PAFAH1B2: variants seen among roughly 807,000 people sequenced by gnomAD.
PAFAH1B2 encodes platelet activating factor acetylhydrolase 1b catalytic subunit 2, also known as platelet-activating factor acetylhydrolase IB subunit alpha2.
In PAFAH1B2, 8 loss-of-function variants were observed where a neutral mutation model predicts 28.0. The ratio of observed to expected loss-of-function variants is 0.29; its 90% confidence interval spans 0.17 to 0.52. PAFAH1B2 has a LOEUF of 0.52. PAFAH1B2 is among the 20% of genes least tolerant of loss of function. The probability of loss-of-function intolerance (pLI) is 0.97; values close to 1 mark genes in which losing one functional copy is unlikely to be tolerated. For synonymous variants in PAFAH1B2, 104 were observed against 103.2 expected (o/e 1.01, Z -0.05); for missense variants, 190 against 282.6 (o/e 0.67, Z 2.35).
chr11:117,177,825 G>A (rs1375036880), downstream of PAFAH1B2, among the ~76,000 whole-genome samples: 2 of 152,152 alleles, frequency 1.3e-5, no homozygotes, highest in African/African-American at 2.4e-5. Flanking sequence ...TGTGAGCCAC[G>A]GCACCTGGCT....
At chr11:117,165,775 T>C (rs1011975658) in intron 5 of PAFAH1B2, among the ~76,000 whole-genome samples, 2 of 151,888 alleles carry the variant, frequency 1.3e-5, no homozygotes, top group African/African-American at 4.8e-5. Flanking sequence ...CAGAGGAGGC[T>C]GCATAAAGTT....
downstream of PAFAH1B2, among the ~76,000 whole-genome samples, chr11:117,177,341 C>T (rs1034919222): frequency 6.6e-6 from 1 of 151,978 alleles, no homozygotes; most frequent in Non-Finnish European, 1.5e-5. Context: ...TGGTACTACT[C>T]TATATTTTTA....
downstream of PAFAH1B2, among the ~76,000 whole-genome samples, chr11:117,177,700 A>G (rs1162370574): frequency 2.6e-5 from 4 of 152,036 alleles, no homozygotes; most frequent in Non-Finnish European, 5.9e-5. Context: ...ACGCCCCACT[A>G]ATTTTGTATT....
chr11:117,148,214 G>C (rs1956061787), intron 1 of PAFAH1B2, among the ~76,000 whole-genome samples: 1 of 151,722 alleles, frequency 6.6e-6, no homozygotes, highest in South Asian at 2.1e-4. Flanking sequence ...ACCCAACCTG[G>C]CTAATCTTTT....
chr11:117,145,564 G>T (rs1291451791), intron 1 of PAFAH1B2, among the ~76,000 whole-genome samples: 1 of 152,186 alleles, frequency 6.6e-6, no homozygotes, highest in Non-Finnish European at 1.5e-5. Flanking sequence ...CATAAAGGTT[G>T]CCTCCTTGTG....
At position 117,168,364 on chromosome 11, in the gene PAFAH1B2, T is replaced by C; in HGVS notation, c.*665T>C. The C allele has an allele frequency of 5.7e-6, 6 of 1,059,782 alleles. No homozygotes were observed. Among genetic ancestry groups the C allele is most frequent in the Non-Finnish European group, 6.8e-6 (6 of 876,030 alleles). 65.6% of individuals were successfully genotyped at this position (1,059,782 alleles called of 1,614,324 possible). A position where few individuals can be genotyped will look rare whatever the true frequency, so the allele number is the denominator to read the frequency against. On this transcript the variant is annotated 3_prime_UTR_variant, in exon 6 of 6. Coordinates refer to ENST00000527958, the MANE Select transcript of PAFAH1B2 (RefSeq NM_002572.4). ...ATTTTTTATGCTGCTGAATATCATGTCTATAATAGACCCGTGCATGCAGCC... is the reference window on the plus strand; with the variant it reads ...ATTTTTTATGCTGCTGAATATCATGCCTATAATAGACCCGTGCATGCAGCC...
chr11:117,149,429 C>CTTTTTTTTTTTTTTTTTTTTTTTTTTTTT (rs1565260556), intron 1 of PAFAH1B2, among the ~76,000 whole-genome samples: 1 of 33,518 alleles, frequency 3.0e-5, no homozygotes, highest in Non-Finnish European at 7.6e-5. Flanking sequence ...GTTTTCTAAT[C>CTTTTTTTTTTTTTTTTTTTTTTTTTTTTT]GTTTTTTTTT....
intron 2 of PAFAH1B2, among the ~76,000 whole-genome samples, chr11:117,156,026 A>T (rs1244625850): frequency 2.0e-5 from 3 of 152,116 alleles, no homozygotes; most frequent in Non-Finnish European, 2.9e-5. Flanking sequence ...TTCAACAAAA[A>T]ATAGAAAAAA....
downstream of PAFAH1B2, among the ~76,000 whole-genome samples, chr11:117,173,164 T>G (rs900196585): frequency 2.0e-5 from 3 of 152,244 alleles, no homozygotes; most frequent in African/African-American, 7.2e-5. Flanking sequence ...CCTGGAAAGC[T>G]CTGATGTTGG....
rs1956628817 is a variant in PAFAH1B2 at position 117,170,555 on chromosome 11, T to C, written c.*2856T>C. The stretch of plus-strand genomic sequence containing the variant: ...GGCATCTGCCTAAACCAGAATCTTT[T>C]GTCAGAAACCTTAACCCAACAAAAC... On this transcript the variant is annotated 3_prime_UTR_variant, in exon 6 of 6. Coordinates refer to ENST00000527958, the MANE Select transcript of PAFAH1B2 (RefSeq NM_002572.4). 1.9e-6 allele frequency: 2 copies of C among 1,059,470 alleles called. No individual in the cohort carries two copies. Among genetic ancestry groups the C allele is most frequent in the South Asian group, 4.6e-5 (1 of 21,814 alleles). The allele number at this position is 1,059,470 out of a possible 1,614,324, so 65.6% of individuals were successfully genotyped here.
In PAFAH1B2 at chr11:117,169,080, C is replaced by G. The variant is rs1366080313; in HGVS notation, c.*1381C>G. 4.9e-6 allele frequency: 5 copies of G among 1,011,196 alleles called. No individual in the cohort carries two copies. Among genetic ancestry groups the G allele is most frequent in the Non-Finnish European group, 5.9e-6 (5 of 842,746 alleles). The allele number at this position is 1,011,196 out of a possible 1,614,324, so 62.6% of individuals were successfully genotyped here. Reference sequence around the variant, plus strand: ...TGCTGGGATTACAGGCATGAGCCACCGTGCCTGGCCTTATTGGCTTAGTTT... The same window carrying G: ...TGCTGGGATTACAGGCATGAGCCACGGTGCCTGGCCTTATTGGCTTAGTTT... On this transcript the variant is annotated 3_prime_UTR_variant, in exon 6 of 6. Transcript: ENST00000527958.
Position 117,170,254 on chromosome 11 carries a change from C to T in PAFAH1B2, c.*2555C>T. On this transcript the variant is annotated 3_prime_UTR_variant, in exon 6 of 6. Coordinates refer to ENST00000527958, the MANE Select transcript of PAFAH1B2 (RefSeq NM_002572.4). ...TGTCCAAGTGAAATGTCCTAGTTGT[C>T]ATTGTGATTAAGGGGCCAACTTTCC... The T allele has an allele frequency of 5.7e-6, 6 of 1,061,690 alleles. No homozygotes were observed. The highest frequency in any genetic ancestry group is 6.8e-6 in the Non-Finnish European group (6 of 877,352). The allele number at this position is 1,061,690 out of a possible 1,614,324, so 65.8% of individuals were successfully genotyped here.
chr11:117,161,915 T>G (rs1956381061), intron 4 of PAFAH1B2, among the ~76,000 whole-genome samples: 1 of 152,154 alleles, frequency 6.6e-6, no homozygotes, highest in Admixed American at 6.5e-5. Context: ...AGCAGGGCCA[T>G]GATTAACTTT....
At chr11:117,167,191 G>A (rs1227169266) in intron 5 of PAFAH1B2, among the ~76,000 whole-genome samples, 6 of 151,994 alleles carry the variant, frequency 3.9e-5, no homozygotes, top group Non-Finnish European at 8.8e-5. Context: ...GTGGGCCAGA[G>A]GACAGGTCCT....
At chr11:117,154,645 T>C (rs1224906351) in intron 2 of PAFAH1B2, among the ~76,000 whole-genome samples, 1 of 152,180 alleles carries the variant, frequency 6.6e-6, no homozygotes, top group Non-Finnish European at 1.5e-5. Context: ...CTCACTATAT[T>C]GCCCAGGCTG....
chr11:117,154,450 C>G (rs930378328), intron 2 of PAFAH1B2, among the ~76,000 whole-genome samples: 1 of 151,614 alleles, frequency 6.6e-6, no homozygotes, highest in African/African-American at 2.4e-5. Flanking sequence ...CAGAATCTTG[C>G]TCTGTCAAGC....
chr11:117,159,756 GAAAA>G (rs1466946863), intron 2 of PAFAH1B2, 174 bp from the exon 3 acceptor site: 2 of 492,408 alleles, frequency 4.1e-6, no homozygotes, highest in South Asian at 6.7e-5. Context: ...AAAAAAGAAA[GAAAA>G]AAGTTGTTTT....
intron 1 of PAFAH1B2, among the ~76,000 whole-genome samples, chr11:117,145,876 C>T (rs1955992211): frequency 6.6e-6 from 1 of 152,188 alleles, no homozygotes; most frequent in South Asian, 2.1e-4. Flanking sequence ...GACGTGGTTT[C>T]TCATTAAATA....
chr11:117,171,727 A>AC (rs1565278104), downstream of PAFAH1B2: 1 of 1,535,920 alleles, frequency 6.5e-7, no homozygotes, highest in Admixed American at 2.0e-5. Flanking sequence ...ACCAGCAACT[A>AC]CCAGGCCAGC....
Sources: gnomAD v4.1 joint callset for allele counts (sites outside exome capture counted in the v4.1 genomes callset) on GRCh38, gnomAD v4.1.1 for gene constraint, MANE v1.5 for transcripts, NCBI Gene and HGNC (gene_info 2026-07-23, HGNC 2026-07-21) for gene names.